VPS4A: variants seen among roughly 807,000 people sequenced by gnomAD.
VPS4A encodes the protein vacuolar protein sorting-associated protein 4A.
A neutral mutation model predicts 52.3 loss-of-function variants in VPS4A; 20 were observed. The observed-to-expected ratio is 0.38, with a 90% CI of 0.27 to 0.56. The LOEUF (loss-of-function observed/expected upper bound fraction) is 0.56, where lower values mean the gene tolerates loss of function less well. Ranked by LOEUF, VPS4A falls within the 20% of genes least tolerant of loss-of-function variation. The pLI is 0.72. For synonymous variants in VPS4A, 293 were observed against 227.7 expected (o/e 1.29, Z -2.58); for missense variants, 419 against 575.9 (o/e 0.73, Z 2.79).
Position 69,316,323 on chromosome 16 carries a change from G to T in VPS4A, c.232G>T (p.Glu78Ter). ...GCTGAAGGATTATTTACGAAGCAAAGAGAAACACGGCAAGAAGCCAGTCAA... is the reference window on the plus strand; with the variant it reads ...GCTGAAGGATTATTTACGAAGCAAATAGAAACACGGCAAGAAGCCAGTCAA... ...EKLKDYLRSKEKHGKKPVKEN... is the reference protein window; with the variant it reads ...EKLKDYLRSK The change falls in exon 3 of 11, where the codon GAG becomes TAG. Residue 78 changes from glutamate (E) to a stop codon, truncating the protein, a stop_gained. Coordinates refer to ENST00000254950, the MANE Select transcript of VPS4A (RefSeq NM_013245.3). LOFTEE classifies it high-confidence loss of function. 1 of 1,613,850 alleles carries T rather than the reference G, an allele frequency of 6.2e-7. No homozygotes were observed. The highest frequency in any genetic ancestry group is 1.1e-5 in the South Asian group (1 of 91,086).
At chr16:69,323,678 C>T (rs1185577790) in intron 10 of VPS4A, 7 of 455,050 alleles carry the variant, frequency 1.5e-5, no homozygotes, top group East Asian at 7.0e-5. Flanking sequence ...GGCCGGGCGC[C>T]GTGGCTCCCG....
In VPS4A at chr16:69,320,846, C is replaced by A; in HGVS notation, c.851+77C>A. 1.4e-6 allele frequency: 2 copies of A among 1,430,284 alleles called. No homozygotes were observed. Among genetic ancestry groups the A allele is most frequent in the South Asian group, 1.3e-5 (1 of 79,788 alleles). The allele number at this position is 1,430,284 out of a possible 1,614,324, so 88.6% of individuals were successfully genotyped here. A position where few individuals can be genotyped will look rare whatever the true frequency, so the allele number is the denominator to read the frequency against. ...CACGGTCCGCCTGCTGCTGGCAGCC[C>A]GGGTGCAGCCTGGCCCCTTTTCCCT... is the stretch of plus-strand genomic sequence containing the variant. On this transcript the variant is annotated intron_variant, in intron 8 of 10. Transcript: ENST00000254950. This position sits in a 1 kb window ranked among gnomAD's most constrained non-coding sequence, Gnocchi z 4.2.
chr16:69,321,450 C>A lies in VPS4A; in HGVS notation c.1071+180C>A. 1.5e-6 allele frequency: 1 copy of A among 666,498 alleles called. No individual in the cohort carries two copies. The highest frequency in any genetic ancestry group is 2.5e-6 in the Non-Finnish European group (1 of 396,318). The allele number at this position is 666,498 out of a possible 1,614,324, so 41.3% of individuals were successfully genotyped here. On this transcript the variant is annotated intron_variant, in intron 9 of 10. Transcript: ENST00000254950. This position sits in a 1 kb window ranked among gnomAD's most constrained non-coding sequence, Gnocchi z 4.5. ...CACCCACTGTCCCCTCCCTGCAGCT[C>A]TTCTGGAGTGTGGCCATCTCAGGGT...
Position 69,322,685 on chromosome 16 carries a change from G to A in VPS4A, c.1197G>A (p.Glu399=). The part of the protein sequence containing the change: ...WMDVPGDKLL[E]PVVCMSDMLR... Reference sequence around the variant, plus strand: ...ATGTCCCTGGGGACAAACTCTTAGAGCCTGTGGTTTGCATGGTAAGTGACT... The same window carrying A: ...ATGTCCCTGGGGACAAACTCTTAGAACCTGTGGTTTGCATGGTAAGTGACT... Residue 399 remains glutamate, a synonymous_variant, in exon 10 of 11, where the codon GAG becomes GAA. Transcript: ENST00000254950. 6.2e-7 allele frequency: 1 copy of A among 1,613,598 alleles called. No individual in the cohort carries two copies. The highest frequency in any genetic ancestry group is 1.3e-5 in the African/African-American group (1 of 75,012).
intron 10 of VPS4A, chr16:69,323,584 C>G: frequency 8.8e-6 from 4 of 454,626 alleles, no homozygotes; most frequent in South Asian, 6.2e-5. Context: ...GGCAGCGCCT[C>G]ACCTGCATAG....
Position 69,321,359 on chromosome 16 carries a change from C to G in VPS4A, c.1071+89C>G. 7.0e-7 allele frequency: 1 copy of G among 1,419,316 alleles called. No individual in the cohort carries two copies. The highest frequency in any genetic ancestry group is 9.5e-7 in the Non-Finnish European group (1 of 1,048,588). The allele number at this position is 1,419,316 out of a possible 1,614,324, so 87.9% of individuals were successfully genotyped here. On this transcript the variant is annotated intron_variant, in intron 9 of 10. Coordinates refer to ENST00000254950, the MANE Select transcript of VPS4A (RefSeq NM_013245.3). This position sits in a 1 kb window ranked among gnomAD's most constrained non-coding sequence, Gnocchi z 4.5. ...TTTCCCAGCTCCTGGTCCTGCTCCC[C>G]GGCTGCTCAGGTGACACAGTCTCTG... is the stretch of plus-strand genomic sequence containing the variant.
Position 69,319,548 on chromosome 16 carries a change from G to A in VPS4A, c.620+5G>A, listed in dbSNP as rs185142175. On this transcript the variant is annotated splice_donor_5th_base_variant and intron_variant, in intron 6 of 10. Transcript: ENST00000254950. ...GTGGCTGGGGGAGAGTGAAAAGTAA[G>A]TCGGCCACCAGGCCATGCTCTGCCA... is the stretch of plus-strand genomic sequence containing the variant. The A allele has an allele frequency of 7.8e-5, 126 of 1,609,818 alleles. No individual in the cohort carries two copies. Among genetic ancestry groups the A allele is most frequent in the Middle Eastern group, 1.6e-4 (1 of 6,076 alleles).
chr16:69,318,381 C>A (rs1375252314), intron 3 of VPS4A, among the ~76,000 whole-genome samples: 3 of 152,218 alleles, frequency 2.0e-5, no homozygotes, highest in African/African-American at 7.2e-5. Flanking sequence ...CCCTTACGGC[C>A]TTCAGGAGAG....
chr16:69,318,406 C>T (rs893050733), intron 3 of VPS4A, among the ~76,000 whole-genome samples: 1 of 152,236 alleles, frequency 6.6e-6, no homozygotes, highest in South Asian at 2.1e-4. Flanking sequence ...GACCCGGATT[C>T]CCATCTGCTC....
Position 69,316,067 on chromosome 16 carries a change from G to GGCGCTGCGGCTGTACCAGCAT in VPS4A, c.85_105dup (p.Leu29_Ala35dup). On this transcript the variant is annotated inframe_insertion, in exon 2 of 11. Transcript: ENST00000254950. ...AGGACAAAGCCAAGAACTACGAGGA[G>GGCGCTGCGGCTGTACCAGCAT]GCGCTGCGGCTGTACCAGCATGCGG... 1 of 1,613,594 alleles carries GGCGCTGCGGCTGTACCAGCAT rather than the reference G, an allele frequency of 6.2e-7. No individual in the cohort carries two copies.
At position 69,320,418 on chromosome 16, in the gene VPS4A, A is replaced by G; in HGVS notation, c.769+129A>G. ...AGGCACTCCCCAGCTCCAGCCCCTCAGGGCACGGGTGGACTTCAATTCCCA... is the reference window on the plus strand; with the variant it reads ...AGGCACTCCCCAGCTCCAGCCCCTCGGGGCACGGGTGGACTTCAATTCCCA... On this transcript the variant is annotated intron_variant, in intron 7 of 10. Transcript: ENST00000254950. The surrounding 1 kb of genome is among the most constrained non-coding windows in gnomAD (Gnocchi z 4.2). 2.2e-6 allele frequency: 3 copies of G among 1,360,218 alleles called. No homozygotes were observed. The highest frequency in any genetic ancestry group is 3.0e-6 in the Non-Finnish European group (3 of 1,004,356). The allele number at this position is 1,360,218 out of a possible 1,614,324, so 84.3% of individuals were successfully genotyped here.
At chr16:69,319,667 G>C in intron 6 of VPS4A, 124 bp downstream of exon 6, 1 of 1,294,724 alleles carries the variant, frequency 7.7e-7, no homozygotes, top group Admixed American at 2.4e-5. Context: ...CCCAAGAGCA[G>C]TGTGTCGCTA....
chr16:69,311,524 AC>A lies in VPS4A; in HGVS notation c.16del (p.Leu6SerfsTer8). The A allele has an allele frequency of 7.4e-7, 1 of 1,355,378 alleles. No homozygotes were observed. The allele number at this position is 1,355,378 out of a possible 1,614,324, so 84.0% of individuals were successfully genotyped here. ...CCCAGGAGATGAAATGACAACGTCA[AC>A]CCTCCAGGTACTTCGTGCGGCCCGG... MTTSTLQKAIDLVTK... is the reference protein window; with the variant it reads MTTSXLQKAIDLVTK... On this transcript the variant is annotated frameshift_variant, in exon 1 of 11. Transcript: ENST00000254950. LOFTEE classifies it high-confidence loss of function.
chr16:69,320,302 C>A lies in VPS4A; in HGVS notation c.769+13C>A. On this transcript the variant is annotated intron_variant, in intron 7 of 10. Transcript: ENST00000254950. The surrounding 1 kb of genome is among the most constrained non-coding windows in gnomAD (Gnocchi z 4.2). ...GTCCAGATGCAGGGTGTGTGCCGGGCCCAGGGCCCCCTTGGTTCTTGTTGC... is the reference window on the plus strand; with the variant it reads ...GTCCAGATGCAGGGTGTGTGCCGGGACCAGGGCCCCCTTGGTTCTTGTTGC... 1.9e-6 allele frequency: 3 copies of A among 1,609,284 alleles called. No homozygotes were observed. Among genetic ancestry groups the A allele is most frequent in the Non-Finnish European group, 2.6e-6 (3 of 1,176,064 alleles).
rs747283816 is a variant in VPS4A, at chr16:69,320,091, C to T, written c.621-50C>T. On this transcript the variant is annotated intron_variant, in intron 6 of 10. Coordinates refer to ENST00000254950, the MANE Select transcript of VPS4A (RefSeq NM_013245.3). This position sits in a 1 kb window ranked among gnomAD's most constrained non-coding sequence, Gnocchi z 4.2. ...AAGAGGGAAGTGCCGGGAGCCCAGG[C>T]GGGCACGGACGTGAACGTCTTGTCC... The T allele has an allele frequency of 8.9e-6, 14 of 1,570,598 alleles. No individual in the cohort carries two copies. Among genetic ancestry groups the T allele is most frequent in the East Asian group, 2.3e-5 (1 of 43,230 alleles).
At chr16:69,323,771 G>A in intron 10 of VPS4A, 1 of 414,336 alleles carries the variant, frequency 2.4e-6, no homozygotes, top group South Asian at 1.7e-5. Flanking sequence ...CCAACATAGT[G>A]AAACCCCGTC....
intron 5 of VPS4A, 116 bp from the exon 6 acceptor site, chr16:69,319,271 A>G (rs1357733096): frequency 4.2e-6 from 6 of 1,431,930 alleles, no homozygotes; most frequent in Admixed American, 2.0e-5. Context: ...TTGCCAGTAG[A>G]GTCCGTTGTT....
At position 69,320,103 on chromosome 16, in the gene VPS4A, T is replaced by C; in HGVS notation, c.621-38T>C. 1 of 1,593,156 alleles carries C rather than the reference T, an allele frequency of 6.3e-7. No individual in the cohort carries two copies. The highest frequency in any genetic ancestry group is 8.6e-7 in the Non-Finnish European group (1 of 1,164,294). On this transcript the variant is annotated intron_variant, in intron 6 of 10. Coordinates refer to ENST00000254950, the MANE Select transcript of VPS4A (RefSeq NM_013245.3). The surrounding 1 kb of genome is among the most constrained non-coding windows in gnomAD (Gnocchi z 4.2). The stretch of plus-strand genomic sequence containing the variant: ...CCGGGAGCCCAGGCGGGCACGGACG[T>C]GAACGTCTTGTCCTCACCCCCTTTC...
chr16:69,324,270 A>C lies in VPS4A; in HGVS notation c.1275A>C (p.Lys425Asn). Residue 425 changes from lysine to asparagine, a missense_variant, in exon 11 of 11, where the codon AAA (lysine) becomes AAC (asparagine). Physicochemically the swap from Lys to Asn is moderately conservative, Grantham distance 94. Transcript: ENST00000254950. The part of the protein sequence containing the change: ...RPTVNADDLL[K>N]VKKFSEDFGQ... ...CGGTGAATGCAGACGACCTCCTGAA[A>C]GTGAAGAAATTCTCAGAGGACTTTG... The C allele has an allele frequency of 6.2e-7, 1 of 1,613,958 alleles. No individual in the cohort carries two copies. Among genetic ancestry groups the C allele is most frequent in the Non-Finnish European group, 8.5e-7 (1 of 1,179,876 alleles).
Sources: gnomAD v4.1 joint callset for allele counts (sites outside exome capture counted in the v4.1 genomes callset) on GRCh38, gnomAD v4.1.1 for gene constraint, Gnocchi (gnomAD v3.1) non-coding constraint, MANE v1.5 for transcripts, NCBI Gene and HGNC (gene_info 2026-07-23, HGNC 2026-07-21) for gene names.